Variants in LRSAM1 observed in about 807,000 individuals in gnomAD.
LRSAM1 encodes E3 ubiquitin-protein ligase LRSAM1.
LRSAM1 carries 96 observed loss-of-function variants against 118.1 expected under a neutral mutation model. That is an observed-to-expected ratio of 0.81 (90% CI 0.69 to 0.96). The LOEUF is 0.96. Among genes scored for constraint, LRSAM1 ranks in the 40% least tolerant of loss-of-function variants. The pLI is 0.00. For synonymous variants in LRSAM1, 322 were observed against 364.2 expected (o/e 0.88, Z 1.32); for missense variants, 804 against 915.5 (o/e 0.88, Z 1.57).
At chr9:127,460,497 C>T (rs534541005) in intron 7 of LRSAM1, among the ~76,000 whole-genome samples, 3 of 152,342 alleles carry the variant, frequency 2.0e-5, no homozygotes, top group Admixed American at 2.0e-4. Flanking sequence ...ACTAGAGCCT[C>T]CTGTGCTGCC....
chr9:127,462,652 G>A (rs1167115719), intron 9 of LRSAM1, among the ~76,000 whole-genome samples: 1 of 152,088 alleles, frequency 6.6e-6, no homozygotes, highest in African/African-American at 2.4e-5. Flanking sequence ...GTCGGTAGGG[G>A]AACAACACAG....
chr9:127,469,961 T>C (rs1423795852), intron 10 of LRSAM1, among the ~76,000 whole-genome samples: 2 of 151,912 alleles, frequency 1.3e-5, no homozygotes, highest in African/African-American at 4.8e-5. Flanking sequence ...CAAGACTCCA[T>C]CTCAAAAAAA....
At chr9:127,457,675 C>T (rs1834570149) in intron 6 of LRSAM1, among the ~76,000 whole-genome samples, 1 of 152,214 alleles carries the variant, frequency 6.6e-6, no homozygotes, top group Non-Finnish European at 1.5e-5. Context: ...GGCGAGGAGA[C>T]TGATGGTCCC....
chr9:127,495,976 G>T lies in LRSAM1; in HGVS notation c.1711G>T (p.Glu571Ter). The change falls in exon 23 of 26, where the codon GAG becomes TAG. Residue 571 changes from glutamate (E) to a stop codon, truncating the protein, a stop_gained. Transcript: ENST00000300417. LOFTEE classifies it high-confidence loss of function. Reference protein sequence around the residue: ...LSLKLQEEGMERQLVALLEEL... With the variant: ...LSLKLQEEGM ...TTCTGTCTTGCAGGAAGAGGGGATG[G>T]AGCGCCAGCTGGTGGCCCTCCTGGA... 5.0e-6 allele frequency: 8 copies of T among 1,612,858 alleles called. No homozygotes were observed. Among genetic ancestry groups the T allele is most frequent in the Non-Finnish European group, 6.8e-6 (8 of 1,179,964 alleles).
At chr9:127,474,480 C>T (rs564092596) in intron 11 of LRSAM1, among the ~76,000 whole-genome samples, 1 of 152,082 alleles carries the variant, frequency 6.6e-6, no homozygotes, top group Non-Finnish European at 1.5e-5. Context: ...AAGCTCCAGT[C>T]GAGGTCAGGT....
At chr9:127,467,974 C>G (rs1588108559) in intron 10 of LRSAM1, 144 bp downstream of exon 10, 1 of 763,050 alleles carries the variant, frequency 1.3e-6, no homozygotes, top group Admixed American at 2.1e-5. Context: ...GCAAGGGAAA[C>G]AGGCAAAACA....
intron 19 of LRSAM1, among the ~76,000 whole-genome samples, chr9:127,490,066 C>A (rs1191683534): frequency 6.9e-6 from 1 of 145,286 alleles, no homozygotes; most frequent in East Asian, 2.0e-4. Flanking sequence ...CCCCCACCCC[C>A]CGCAGGCCGG....
At chr9:127,498,457 G>A (rs1836240323) in intron 24 of LRSAM1, among the ~76,000 whole-genome samples, 3 of 152,194 alleles carry the variant, frequency 2.0e-5, no homozygotes, top group Admixed American at 6.5e-5. Flanking sequence ...ACAAACAGGT[G>A]CCCTTCACCC....
chr9:127,457,830 A>AC (rs1452071606), intron 6 of LRSAM1, among the ~76,000 whole-genome samples: 4 of 152,192 alleles, frequency 2.6e-5, no homozygotes, highest in Non-Finnish European at 5.9e-5. Flanking sequence ...TGAGCTTGGG[A>AC]GAGTGATATG....
intron 18 of LRSAM1, 97 bp from the exon 19 acceptor site, chr9:127,489,347 A>G (rs1835843573): frequency 8.6e-6 from 12 of 1,402,268 alleles, no homozygotes; most frequent in Non-Finnish European, 1.2e-5. Context: ...CCATCCATTA[A>G]GGTGCTTTGT....
chr9:127,487,554 G>A, intron 17 of LRSAM1, 122 bp from the exon 18 acceptor site: 1 of 862,608 alleles, frequency 1.2e-6, no homozygotes, highest in South Asian at 1.4e-5. Context: ...CTCCCAGCAG[G>A]TACTCCATGA....
chr9:127,473,839 CT>C lies in LRSAM1; in HGVS notation c.659del (p.Leu220ArgfsTer28), dbSNP rs1835259899. ...LEYYPPSQYL[L>X]PILEQDGIEN... Reference sequence around the variant, plus strand: ...ATACTACCCCCCTTCTCAGTACTTGCTGCCAATTCTGGAGCAAGATGGAATC... The same window carrying C: ...ATACTACCCCCCTTCTCAGTACTTGCGCCAATTCTGGAGCAAGATGGAATC... On this transcript the variant is annotated frameshift_variant, in exon 11 of 26. Transcript: ENST00000300417. LOFTEE classifies it high-confidence loss of function. 1 of 1,614,108 alleles carries C rather than the reference CT, an allele frequency of 6.2e-7. No homozygotes were observed. Among genetic ancestry groups the C allele is most frequent in the African/African-American group, 1.3e-5 (1 of 74,942 alleles).
intron 11 of LRSAM1, among the ~76,000 whole-genome samples, chr9:127,475,077 T>C (rs2250161): frequency 0.41 from 62,588 of 151,076 alleles, 13,707 homozygotes; most frequent in Non-Finnish European, 0.47. Flanking sequence ...TATTATTTTA[T>C]AGTTCAGCAA....
chr9:127,467,230 G>C (rs1041212758), intron 9 of LRSAM1, among the ~76,000 whole-genome samples: 2 of 152,154 alleles, frequency 1.3e-5, no homozygotes, highest in Non-Finnish European at 2.9e-5. Flanking sequence ...CTGGCAAAAA[G>C]TTAAAAAATT....
rs199925705 is a variant in LRSAM1 at position 127,458,994 on chromosome 9, C to A, written c.253-9C>A. On this transcript the variant is annotated splice_polypyrimidine_tract_variant and intron_variant, in intron 6 of 25. Coordinates refer to ENST00000300417, the MANE Select transcript of LRSAM1 (RefSeq NM_001005373.4). ...CACTTGGAGACTCACAGGGGTCTTTCTTCTGCAGGTTCTAGATCTCCACGA... is the reference window on the plus strand; with the variant it reads ...CACTTGGAGACTCACAGGGGTCTTTATTCTGCAGGTTCTAGATCTCCACGA... The A allele has an allele frequency of 1.2e-6, 2 of 1,613,520 alleles. No homozygotes were observed. The highest frequency in any genetic ancestry group is 1.3e-5 in the African/African-American group (1 of 75,002).
At chr9:127,461,103 C>A in intron 7 of LRSAM1, 70 bp from the exon 8 acceptor site, 1 of 1,226,820 alleles carries the variant, frequency 8.2e-7, no homozygotes, top group East Asian at 2.6e-5. Context: ...ATCCACCTGC[C>A]TCGGCCTCCC....
chr9:127,482,899 C>T (rs1751312031), intron 15 of LRSAM1, 51 bp from the exon 16 acceptor site: 9 of 1,516,732 alleles, frequency 5.9e-6, no homozygotes, highest in South Asian at 3.6e-5. Flanking sequence ...TGCTGGGATT[C>T]CCTGTTGGAA....
Position 127,462,499 on chromosome 9 carries a change from C to T in LRSAM1, c.528+126C>T, listed in dbSNP as rs982326805. On this transcript the variant is annotated intron_variant, in intron 9 of 25. Transcript: ENST00000300417. ...CCACACAGAGATCCCAAGGCATGGT[C>T]CTTGGAGGCTTGTAGAGAGGCCAAT... The T allele has an allele frequency of 1.8e-5, 27 of 1,483,070 alleles. No homozygotes were observed. The African/African-American group carries it at 3.2e-4, about 17-fold the overall frequency. The allele number at this position is 1,483,070 out of a possible 1,614,324, so 91.9% of individuals were successfully genotyped here.
intron 8 of LRSAM1, 140 bp downstream of exon 8, chr9:127,461,397 C>G (rs1457453927): frequency 1.5e-6 from 1 of 689,510 alleles, no homozygotes; most frequent in East Asian, 3.0e-5. Context: ...TGGACTGACC[C>G]CTGCTGGGTC....
Sources: allele counts gnomAD v4.1 joint callset (sites outside exome capture counted in the v4.1 genomes callset), GRCh38; gene constraint gnomAD v4.1.1; transcripts MANE v1.5; gene names NCBI Gene and HGNC (gene_info 2026-07-23, HGNC 2026-07-21).